NFXL1: variants seen among roughly 807,000 people sequenced by gnomAD.
The protein encoded by NFXL1 is NF-X1-type zinc finger protein NFXL1.
NFXL1 carries 66 observed loss-of-function variants against 123.3 expected under a neutral mutation model. The observed-to-expected ratio is 0.54, with a 90% CI of 0.44 to 0.66. The LOEUF is 0.66. Among genes scored for constraint, NFXL1 ranks in the 30% least tolerant of loss-of-function variants. The probability of loss-of-function intolerance (pLI) is 0.00; values close to 1 mark genes in which losing one functional copy is unlikely to be tolerated. For synonymous variants in NFXL1, 346 were observed against 360.8 expected (o/e 0.96, Z 0.46); for missense variants, 944 against 1,125.6 (o/e 0.84, Z 2.31).
At chr4:47,899,640 A>G (rs1737276970) in intron 5 of NFXL1, 92 bp from the exon 6 acceptor site, 2 of 761,778 alleles carry the variant, frequency 2.6e-6, no homozygotes, top group Non-Finnish European at 4.3e-6. Context: ...ATTCTGTTAA[A>G]TTAGTTTTAT....
intron 19 of NFXL1, among the ~76,000 whole-genome samples, chr4:47,859,260 A>C (rs1017382493): frequency 6.6e-6 from 1 of 152,208 alleles, no homozygotes; most frequent in South Asian, 2.1e-4. Flanking sequence ...TTTAATTCCA[A>C]TAATAGGAAA....
At chr4:47,867,225 G>A (rs1469838136) in intron 18 of NFXL1, among the ~76,000 whole-genome samples, 1 of 146,260 alleles carries the variant, frequency 6.8e-6, no homozygotes, top group Non-Finnish European at 1.5e-5. Flanking sequence ...AATGAACAAA[G>A]GTTGATTGAA....
intron 19 of NFXL1, among the ~76,000 whole-genome samples, chr4:47,859,611 T>C (rs1296706468): frequency 6.6e-6 from 1 of 151,892 alleles, no homozygotes; most frequent in Non-Finnish European, 1.5e-5. Flanking sequence ...GGGAGGCCAA[T>C]GTGGGCAAAC....
At chr4:47,866,907 T>A (rs1167728038) in intron 18 of NFXL1, among the ~76,000 whole-genome samples, 2 of 152,216 alleles carry the variant, frequency 1.3e-5, no homozygotes, top group African/African-American at 4.8e-5. Context: ...ACTTCTCTGG[T>A]TGGAAACATT....
chr4:47,851,941 T>C lies in NFXL1; in HGVS notation c.2423A>G (p.Glu808Gly), dbSNP rs758678381. 3.1e-6 allele frequency: 5 copies of C among 1,603,210 alleles called. No homozygotes were observed. The Admixed American group carries it at 8.4e-5, about 27-fold the overall frequency. ...LRCPCKRIKK[E>G]LQCNKVRENQ... Reference sequence around the variant, plus strand: ...TTCACGTACTTTGTTGCACTGCAATTCCTACAAACAACCCGATTTTCAAAT... The same window carrying C: ...TTCACGTACTTTGTTGCACTGCAATCCCTACAAACAACCCGATTTTCAAAT... Residue 808 changes from glutamate to glycine, a missense_variant and splice_region_variant, in exon 21 of 23, where the codon GAA becomes GGA. Coordinates refer to ENST00000507489, the MANE Select transcript of NFXL1 (RefSeq NM_001278624.2).
At position 47,898,096 on chromosome 4, in the gene NFXL1, A is replaced by C. The variant is rs769019248; in HGVS notation, c.1090-15T>G. On this transcript the variant is annotated splice_polypyrimidine_tract_variant and intron_variant, in intron 8 of 22. Coordinates refer to ENST00000507489, the MANE Select transcript of NFXL1 (RefSeq NM_001278624.2). ...TTTCCACATACCTAAAATAAAATGC[A>C]ATAAACACTAATGAAGGATTTAAAA... The C allele has an allele frequency of 1.4e-6, 2 of 1,453,258 alleles. No homozygotes were observed. Among genetic ancestry groups the C allele is most frequent in the African/African-American group, 1.4e-5 (1 of 70,902 alleles). 90.0% of individuals were successfully genotyped at this position (1,453,258 alleles called of 1,614,324 possible). A position where few individuals can be genotyped will look rare whatever the true frequency, so the allele number is the denominator to read the frequency against.
At chr4:47,899,176 TA>T in intron 6 of NFXL1, 56 bp from the exon 7 acceptor site, 1 of 1,429,894 alleles carries the variant, frequency 7.0e-7, no homozygotes, top group Non-Finnish European at 9.3e-7. Context: ...AGTCAGAAAC[TA>T]AAACTTTCAA....
intron 11 of NFXL1, among the ~76,000 whole-genome samples, chr4:47,892,172 T>C (rs1314279375): frequency 1.3e-5 from 2 of 152,138 alleles, no homozygotes; most frequent in Non-Finnish European, 2.9e-5. Context: ...AGTTTTCAGG[T>C]ATTAGATAAT....
chr4:47,851,624 C>G (rs181012726), intron 21 of NFXL1, among the ~76,000 whole-genome samples: 112 of 151,910 alleles, frequency 7.4e-4, no homozygotes, highest in African/African-American at 2.6e-3. Context: ...TAGAGATAAC[C>G]CAAGCAGCAA....
At chr4:47,852,669 C>T (rs1425053684) in intron 20 of NFXL1, among the ~76,000 whole-genome samples, 1 of 152,038 alleles carries the variant, frequency 6.6e-6, no homozygotes, top group Non-Finnish European at 1.5e-5. Context: ...AAACTATGAC[C>T]AATTTCTGTA....
At chr4:47,864,167 G>A (rs911364483) in intron 18 of NFXL1, among the ~76,000 whole-genome samples, 2 of 151,996 alleles carry the variant, frequency 1.3e-5, no homozygotes, top group African/African-American at 4.8e-5. Flanking sequence ...AACTTAAAGA[G>A]TTAATATTAT....
At chr4:47,860,322 T>C (rs891554564) in intron 19 of NFXL1, among the ~76,000 whole-genome samples, 1 of 152,230 alleles carries the variant, frequency 6.6e-6, no homozygotes, top group Non-Finnish European at 1.5e-5. Context: ...TTTGTTCCTC[T>C]TTATATCTCT....
Position 47,896,548 on chromosome 4 carries a change from C to G in NFXL1, c.1304G>C (p.Arg435Pro). 6.2e-7 allele frequency: 1 copy of G among 1,613,430 alleles called. No homozygotes were observed. The highest frequency in any genetic ancestry group is 8.5e-7 in the Non-Finnish European group (1 of 1,179,468). The change falls in exon 10 of 23, where the codon CGA becomes CCA. Residue 435 changes from arginine to proline, a missense_variant. Coordinates refer to ENST00000507489, the MANE Select transcript of NFXL1 (RefSeq NM_001278624.2). Reference sequence around the variant, plus strand: ...TTGTCTACATGTTTCACAGGGACCTCGGTGACAACGCTGTGAACATCTATG... The same window carrying G: ...TTGTCTACATGTTTCACAGGGACCTGGGTGACAACGCTGTGAACATCTATG... ...GIHRCSQRCH[R>P]GPCETCRQEV...
rs1214102539 is a variant in NFXL1, at chr4:47,885,055, G to A, written c.1824+443C>T. ...GGCACGAGAGTCACTGAACCCGGGA[G>A]GTGGAGGTTGCAGTGACCCAGATCA... On this transcript the variant is annotated intron_variant, in intron 14 of 22. Coordinates refer to ENST00000507489, the MANE Select transcript of NFXL1 (RefSeq NM_001278624.2). Among the ~76,000 whole-genome samples, 3 of 151,668 alleles carry A rather than the reference G, an allele frequency of 2.0e-5. No individual in the cohort carries two copies. The South Asian group carries it at 6.2e-4, about 32-fold the overall frequency.
chr4:47,894,300 T>C lies in NFXL1; in HGVS notation c.1332A>G (p.Glu444=). ...HRGPCETCRQ[E]VEKHCRCGKH... ...TTCCACAGCGACAATGCTTTTCCAC[T>C]TCCTGGAAGAATAAAAGAAATGCTA... The change falls in exon 11 of 23, where the codon GAA becomes GAG. Residue 444 remains glutamate, a splice_region_variant and synonymous_variant. Coordinates refer to ENST00000507489, the MANE Select transcript of NFXL1 (RefSeq NM_001278624.2). 1 of 1,575,766 alleles carries C rather than the reference T, an allele frequency of 6.3e-7. No individual in the cohort carries two copies. Among genetic ancestry groups the C allele is most frequent in the Non-Finnish European group, 8.6e-7 (1 of 1,162,374 alleles).
chr4:47,863,299 A>G (rs1281305911), intron 18 of NFXL1, among the ~76,000 whole-genome samples: 3 of 152,240 alleles, frequency 2.0e-5, no homozygotes, highest in Non-Finnish European at 2.9e-5. Context: ...TAATTATTTA[A>G]TATGTTCAAA....
chr4:47,870,832 A>G (rs1735386591), intron 18 of NFXL1, among the ~76,000 whole-genome samples: 2 of 151,352 alleles, frequency 1.3e-5, no homozygotes, highest in Non-Finnish European at 3.0e-5. Context: ...TATTAGCCAG[A>G]AAAAAAAAGA....
At chr4:47,877,303 T>A (rs1044192470) in intron 17 of NFXL1, 2 of 383,962 alleles carry the variant, frequency 5.2e-6, no homozygotes, top group Non-Finnish European at 1.0e-5. Context: ...ACTTCCAATA[T>A]CAAGTTCTAT....
chr4:47,914,230 A>AT, intron 1 of NFXL1, 25 bp from the exon 2 acceptor site: 3 of 1,405,804 alleles, frequency 2.1e-6, no homozygotes, highest in Non-Finnish European at 2.8e-6. Flanking sequence ...AAAAAAAAAA[A>AT]GAGTGGAAGG....
Sources: gnomAD v4.1 joint callset for allele counts (sites outside exome capture counted in the v4.1 genomes callset) on GRCh38, gnomAD v4.1.1 for gene constraint, MANE v1.5 for transcripts, NCBI Gene and HGNC (gene_info 2026-07-23, HGNC 2026-07-21) for gene names.